QRSL1: variants seen among roughly 807,000 people sequenced by gnomAD.
QRSL1 encodes glutamyl-tRNA(Gln) amidotransferase subunit A, mitochondrial.
In QRSL1, 54 loss-of-function variants were observed where a neutral mutation model predicts 61.6. That is an observed-to-expected ratio of 0.88 (90% CI 0.70 to 1.10). QRSL1 has a LOEUF of 1.10. QRSL1 is among the 50% of genes least tolerant of loss of function. The pLI is 0.00. For synonymous variants in QRSL1, 228 were observed against 225.7 expected (o/e 1.01, Z -0.09); for missense variants, 505 against 622.6 (o/e 0.81, Z 2.01).
chr6:106,635,501 A>T lies in QRSL1; in HGVS notation c.25-4848A>T, dbSNP rs114734278. Among the ~76,000 whole-genome samples the T allele has an allele frequency of 4.8e-3, 726 of 152,280 alleles. 7 individuals are homozygous for T. Among genetic ancestry groups the T allele is most frequent in the African/African-American group, 0.017 (698 of 41,534 alleles). ...AATGGACTGTGTTAAAGAGAGGATG[A>T]GTACCCATCACTGGAACACTCAGCC... On this transcript the variant is annotated intron_variant, in intron 1 of 10. Coordinates refer to ENST00000369046, the MANE Select transcript of QRSL1 (RefSeq NM_018292.5).
chr6:106,640,888 A>G lies in QRSL1; in HGVS notation c.250A>G (p.Ile84Val). The change falls in exon 3 of 11, where the codon ATT becomes GTT. Residue 84 changes from isoleucine to valine, a missense_variant. Ile to Val is a conservative substitution (Grantham distance 29). Coordinates refer to ENST00000369046, the MANE Select transcript of QRSL1 (RefSeq NM_018292.5). ...AAAAGACAATTTCAGCACTTCTGGCATTGAGACAACATGTGCATCAAATAT... is the reference window on the plus strand; with the variant it reads ...AAAAGACAATTTCAGCACTTCTGGCGTTGAGACAACATGTGCATCAAATAT... ...AVKDNFSTSG[I>V]ETTCASNMLK... 1 of 1,613,802 alleles carries G rather than the reference A, an allele frequency of 6.2e-7. No individual in the cohort carries two copies. The highest frequency in any genetic ancestry group is 8.5e-7 in the Non-Finnish European group (1 of 1,179,814).
At chr6:106,630,754 ATTCCACCCTAGAAGTT>A (rs1776807052) in intron 1 of QRSL1, among the ~76,000 whole-genome samples, 1 of 152,098 alleles carries the variant, frequency 6.6e-6, no homozygotes, top group African/African-American at 2.4e-5. Flanking sequence ...CTTCCTTTTT[ATTCCACCCTAGAAGTT>A]GTCGTTTTGT....
intron 1 of QRSL1, among the ~76,000 whole-genome samples, chr6:106,639,130 T>TTTTTG (rs1554200744): frequency 9.3e-5 from 13 of 139,996 alleles, no homozygotes; most frequent in African/African-American, 3.6e-4. Flanking sequence ...TTTTTTTTTT[T>TTTTTG]TTTTTTTTTT....
intron 4 of QRSL1, among the ~76,000 whole-genome samples, chr6:106,645,487 A>G (rs936519178): frequency 1.3e-4 from 20 of 151,906 alleles, no homozygotes; most frequent in Admixed American, 6.6e-5. Flanking sequence ...CAATGGTGCA[A>G]TCTCGGCTCA....
At chr6:106,638,386 C>T (rs539161727) in intron 1 of QRSL1, among the ~76,000 whole-genome samples, 1 of 152,070 alleles carries the variant, frequency 6.6e-6, no homozygotes, top group African/African-American at 2.4e-5. Flanking sequence ...CTCACCGCAA[C>T]CTCTGCCTCC....
Position 106,647,175 on chromosome 6 carries a change from C to T in QRSL1, c.381-1850C>T, listed in dbSNP as rs148320336. ...GCAAAACATGTATCTCAGAAAGAAC[C>T]GATATCCAAAATACATAGAACATTT... On this transcript the variant is annotated intron_variant, in intron 4 of 10. Coordinates refer to ENST00000369046, the MANE Select transcript of QRSL1 (RefSeq NM_018292.5). Among the ~76,000 whole-genome samples the T allele has an allele frequency of 4.4e-4, 67 of 151,806 alleles. 1 individual carries two copies. In the South Asian group the frequency reaches 4.6e-3, roughly 10 times the overall value.
intron 1 of QRSL1, among the ~76,000 whole-genome samples, chr6:106,638,397 C>T (rs752439088): frequency 3.3e-5 from 5 of 152,118 alleles, no homozygotes; most frequent in Non-Finnish European, 1.5e-5. Context: ...CTCTGCCTCC[C>T]GGGTTCAAGC....
chr6:106,629,715 A>G lies in QRSL1; in HGVS notation c.24+10A>G, dbSNP rs764475806. Reference sequence around the variant, plus strand: ...CCGGAGCCTCCGAGAAGTGAGTGGAATTGGCCCGCTGAGGCCCCCGGGAGG... The same window carrying G: ...CCGGAGCCTCCGAGAAGTGAGTGGAGTTGGCCCGCTGAGGCCCCCGGGAGG... On this transcript the variant is annotated intron_variant, in intron 1 of 10. Transcript: ENST00000369046. The G allele has an allele frequency of 2.8e-5, 45 of 1,604,350 alleles. No homozygotes were observed. The African/African-American group carries it at 5.6e-4, about 20-fold the overall frequency.
chr6:106,648,925 A>G, intron 4 of QRSL1, 100 bp from the exon 5 acceptor site: 1 of 1,249,910 alleles, frequency 8.0e-7, no homozygotes, highest in South Asian at 1.7e-5. Flanking sequence ...GGGTTCTTAA[A>G]TGCTCAATGA....
rs35122457 is a variant in QRSL1 at position 106,647,649 on chromosome 6, C to CTTTTTTTT, written c.381-1364_381-1357dup. On this transcript the variant is annotated intron_variant, in intron 4 of 10. Transcript: ENST00000369046. ...GAAGGAGATAAAATGCCATAAAGTA[C>CTTTTTTTT]TTTTTTTTTTTTTTTTTTTGAGATG... is the stretch of plus-strand genomic sequence containing the variant. Among the ~76,000 whole-genome samples the CTTTTTTTT allele has an allele frequency of 4.7e-5, 4 of 84,250 alleles. 1 individual carries two copies. Among genetic ancestry groups the CTTTTTTTT allele is most frequent in the Non-Finnish European group, 6.1e-5 (3 of 48,856 alleles). The allele number at this position is 84,250 out of a possible 152,430, so 55.3% of individuals were successfully genotyped here.
In QRSL1 at chr6:106,639,116, GTTGT is replaced by G. The variant is rs1312797523; in HGVS notation, c.25-1230_25-1227del. Among the ~76,000 whole-genome samples, 7 of 54,358 alleles carry G rather than the reference GTTGT, an allele frequency of 1.3e-4. 1 individual carries two copies. Among genetic ancestry groups the G allele is most frequent in the African/African-American group, 4.7e-4 (7 of 14,742 alleles). 35.7% of individuals were successfully genotyped at this position (54,358 alleles called of 152,430 possible). A position where few individuals can be genotyped will look rare whatever the true frequency, so the allele number is the denominator to read the frequency against. ...ACTTGTGTGGTTATTTGTGTGTTTT[GTTGT>G]TTTTTTTTTTTTTTTTTTTTTTTTT... On this transcript the variant is annotated intron_variant, in intron 1 of 10. Transcript: ENST00000369046.
chr6:106,645,703 G>T (rs1450774817), intron 4 of QRSL1, among the ~76,000 whole-genome samples: 3 of 152,242 alleles, frequency 2.0e-5, no homozygotes, highest in Non-Finnish European at 4.4e-5. Flanking sequence ...TTATAGGCGT[G>T]AGCCACCGCC....
At chr6:106,655,822 A>G in intron 9 of QRSL1, 90 bp downstream of exon 9, 1 of 808,068 alleles carries the variant, frequency 1.2e-6, no homozygotes, top group South Asian at 1.5e-5. Context: ...GTATTTAGTA[A>G]AGAAACAAAA....
chr6:106,646,807 T>C (rs1052574197), intron 4 of QRSL1, among the ~76,000 whole-genome samples: 1 of 151,874 alleles, frequency 6.6e-6, no homozygotes, highest in African/African-American at 2.4e-5. Context: ...GGCAGGTGGA[T>C]CACAAGGTCA....
chr6:106,654,510 C>G (rs1375475433), intron 7 of QRSL1, among the ~76,000 whole-genome samples: 1 of 152,026 alleles, frequency 6.6e-6, no homozygotes, highest in African/African-American at 2.4e-5. Context: ...TTGTTATATC[C>G]AGATCATAAT....
chr6:106,648,450 A>T (rs1777147354), intron 4 of QRSL1, among the ~76,000 whole-genome samples: 1 of 152,134 alleles, frequency 6.6e-6, no homozygotes, highest in African/African-American at 2.4e-5. Flanking sequence ...CCCTTAAGAT[A>T]CCCTTAAGTT....
At chr6:106,650,819 G>A (rs1777178949) in intron 5 of QRSL1, among the ~76,000 whole-genome samples, 1 of 152,172 alleles carries the variant, frequency 6.6e-6, no homozygotes, top group Non-Finnish European at 1.5e-5. Context: ...GGTTATTGTG[G>A]GGGCTGTGAT....
chr6:106,650,291 G>T (rs1777172015), intron 5 of QRSL1, among the ~76,000 whole-genome samples: 1 of 152,120 alleles, frequency 6.6e-6, no homozygotes, highest in Non-Finnish European at 1.5e-5. Flanking sequence ...ATGCTAATAA[G>T]AAAATGTATC....
At chr6:106,655,812 G>A (rs1039421935) in intron 9 of QRSL1, 80 bp downstream of exon 9, 1 of 883,818 alleles carries the variant, frequency 1.1e-6, no homozygotes, top group Non-Finnish European at 1.8e-6. Flanking sequence ...ATAAGTCAAG[G>A]TATTTAGTAA....
Sources: gnomAD v4.1 joint callset for allele counts (sites outside exome capture counted in the v4.1 genomes callset) on GRCh38, gnomAD v4.1.1 for gene constraint, MANE v1.5 for transcripts, NCBI Gene and HGNC (gene_info 2026-07-23, HGNC 2026-07-21) for gene names.